The following PXDN variants were observed in gnomAD, a reference collection of about 807,000 sequenced individuals.
PXDN encodes the protein peroxidasin, also known as peroxidasin homolog.
A neutral mutation model predicts 140.3 loss-of-function variants in PXDN; 77 were observed. The observed-to-expected ratio is 0.55, with a 90% CI of 0.46 to 0.66. The LOEUF (loss-of-function observed/expected upper bound fraction) is 0.66. PXDN is among the 30% of genes least tolerant of loss of function. PXDN has a pLI of 0.00. For missense variants in PXDN, 1,838 were observed against 2,039.5 expected, an observed-to-expected ratio of 0.90 and a Z score of 1.90; for synonymous variants, 911 against 857.4, an observed-to-expected ratio of 1.06 and a Z score of -1.09.
chr2:1,743,793 G>C (rs1252549155), intron 1 of PXDN, among the ~76,000 whole-genome samples: 1 of 144,560 alleles, frequency 6.9e-6, no homozygotes, highest in Non-Finnish European at 1.5e-5. Context: ...GGAGGACGGA[G>C]GGGGCTGCGC....
In PXDN at chr2:1,643,445, G is replaced by A. The variant is rs1329165416; in HGVS notation, c.3875C>T (p.Ala1292Val). Residue 1292 changes from alanine (A) to valine (V), a missense_variant, in exon 19 of 23, where the codon GCG (alanine) becomes GTG (valine). Physicochemically the swap from Ala to Val is moderately conservative, Grantham distance 64 (BLOSUM62 0). Coordinates refer to ENST00000252804, the MANE Select transcript of PXDN (RefSeq NM_012293.3). The part of the protein sequence containing the change: ...TRVQSDVFRV[A>V]EFPHGYGSCD... ...GCTGCCGTAGCCGTGAGGGAACTCC[G>A]CCACCCTGAACACGTCGCTCTGCAC... The A allele has an allele frequency of 5.0e-6, 8 of 1,613,792 alleles. No individual in the cohort carries two copies. The highest frequency in any genetic ancestry group is 2.2e-5 in the South Asian group (2 of 91,084).
intron 7 of PXDN, among the ~76,000 whole-genome samples, chr2:1,678,959 A>G (rs1572151978): frequency 2.0e-5 from 3 of 152,320 alleles, no homozygotes; most frequent in Non-Finnish European, 2.9e-5. Context: ...TGCCCCTGAC[A>G]TAGCTCCAGC....
At chr2:1,634,417 C>T (rs1185550506) in intron 22 of PXDN, 94 bp from the exon 23 acceptor site, 4 of 1,457,372 alleles carry the variant, frequency 2.7e-6, no homozygotes, top group Non-Finnish European at 2.8e-6. Context: ...CAGCCACGGC[C>T]ATGAGTCAGG....
intron 4 of PXDN, among the ~76,000 whole-genome samples, chr2:1,686,018 C>T (rs920402018): frequency 2.0e-5 from 3 of 152,168 alleles, no homozygotes; most frequent in African/African-American, 7.2e-5. Context: ...GGCTCCCGGG[C>T]ATTCCTGCAT....
chr2:1,643,742 C>A (rs553566540), intron 18 of PXDN, among the ~76,000 whole-genome samples, 166 bp from the exon 19 acceptor site: 1 of 152,154 alleles, frequency 6.6e-6, no homozygotes, highest in South Asian at 2.1e-4. Flanking sequence ...CATCCCCTAC[C>A]CCATAACAAA....
In PXDN at chr2:1,635,463, G is replaced by A. The variant is rs1182447164; in HGVS notation, c.4265C>T (p.Ser1422Phe). The A allele has an allele frequency of 2.5e-6, 4 of 1,603,012 alleles. No individual in the cohort carries two copies. The highest frequency in any genetic ancestry group is 3.4e-6 in the Non-Finnish European group (4 of 1,174,340). The change falls in exon 22 of 23, where the codon TCT becomes TTT. Residue 1422 changes from serine (S) to phenylalanine (F), a missense_variant. This residue lies in a region of PXDN where 850 missense variants were observed against 894.1 expected (regional missense o/e 0.95). Coordinates refer to ENST00000252804, the MANE Select transcript of PXDN (RefSeq NM_012293.3). ...TTTCCACTTGGTGTTGTTGGCGTGA[G>A]ATTCGCCCCCGGCATCCACGCACTC... ...TTECVDAGGE[S>F]HANNTKWKKD...
At chr2:1,671,942 G>C (rs573487025) in intron 9 of PXDN, 1 of 152,344 alleles carries the variant, frequency 6.6e-6, no homozygotes, top group East Asian at 1.9e-4. Flanking sequence ...AATGACGCCT[G>C]AATTTCCTCT....
chr2:1,728,326 C>T (rs1445979227), intron 1 of PXDN, among the ~76,000 whole-genome samples: 3 of 152,266 alleles, frequency 2.0e-5, no homozygotes, highest in Non-Finnish European at 4.4e-5. Flanking sequence ...GCAAGGGCAC[C>T]TGCTGGCAGG....
rs146316624 is a variant in PXDN at position 1,700,237 on chromosome 2, T to G, written c.201-7103A>C. Among the ~76,000 whole-genome samples, 1,061 of 152,234 alleles carry G rather than the reference T, an allele frequency of 7.0e-3. 13 individuals carry two copies. Among genetic ancestry groups the G allele is most frequent in the African/African-American group, 0.024 (1,016 of 41,544 alleles). On this transcript the variant is annotated intron_variant, in intron 1 of 22. Coordinates refer to ENST00000252804, the MANE Select transcript of PXDN (RefSeq NM_012293.3). ...CCACTGCGCCCAGCTAATTTTTGTATTTTTAGTAGAGACGGGGTTTCGCCT... is the reference window on the plus strand; with the variant it reads ...CCACTGCGCCCAGCTAATTTTTGTAGTTTTAGTAGAGACGGGGTTTCGCCT...
chr2:1,635,864 C>T (rs1682543877), intron 21 of PXDN: 1 of 360,086 alleles, frequency 2.8e-6, no homozygotes, highest in South Asian at 2.2e-5. Flanking sequence ...CTCAGAATCC[C>T]CAGAGTCAAG....
intron 22 of PXDN, 37 bp from the exon 23 acceptor site, chr2:1,634,360 G>T: frequency 6.5e-7 from 1 of 1,546,340 alleles, no homozygotes; most frequent in East Asian, 2.4e-5. Context: ...TGTCAGCTCT[G>T]GGATGGCCTT....
intron 1 of PXDN, among the ~76,000 whole-genome samples, chr2:1,704,491 G>A (rs1684537721): frequency 1.2e-5 from 1 of 83,602 alleles, no homozygotes; most frequent in African/African-American, 5.8e-5. Context: ...GCAACTCCAG[G>A]TGAAGGAGGG....
intron 7 of PXDN, among the ~76,000 whole-genome samples, chr2:1,678,025 G>A (rs1171678014): frequency 6.6e-6 from 1 of 152,142 alleles, no homozygotes; most frequent in Non-Finnish European, 1.5e-5. Context: ...GTCAGCAAGG[G>A]CTCCTCCAGG....
At chr2:1,656,435 C>T (rs1309170172) in intron 14 of PXDN, among the ~76,000 whole-genome samples, 2 of 152,210 alleles carry the variant, frequency 1.3e-5, no homozygotes, top group Non-Finnish European at 1.5e-5. Context: ...CAGCCCAACA[C>T]ACCCTTACAA....
intron 6 of PXDN, among the ~76,000 whole-genome samples, chr2:1,682,010 C>A (rs186029920): frequency 6.6e-6 from 1 of 152,320 alleles, no homozygotes; most frequent in African/African-American, 2.4e-5. Flanking sequence ...GAGCAGACAG[C>A]AGCCAGGACA....
At chr2:1,634,371 C>A in intron 22 of PXDN, 48 bp from the exon 23 acceptor site, 1 of 1,531,882 alleles carries the variant, frequency 6.5e-7, no homozygotes, top group Non-Finnish European at 8.8e-7. Context: ...GGATGGCCTT[C>A]AGGTGAGCAA....
chr2:1,690,066 G>A (rs900131867), intron 3 of PXDN, among the ~76,000 whole-genome samples: 1 of 152,212 alleles, frequency 6.6e-6, no homozygotes, highest in African/African-American at 2.4e-5. Context: ...TTGTACACAG[G>A]TGAAATCACA....
chr2:1,635,373 C>T (rs769211990), intron 22 of PXDN, 35 bp downstream of exon 22: 1 of 1,531,860 alleles, frequency 6.5e-7, no homozygotes, highest in South Asian at 1.2e-5. Context: ...CTTGCGTATA[C>T]CTTAGGACAT....
At chr2:1,733,624 C>A (rs1037993711) in intron 1 of PXDN, among the ~76,000 whole-genome samples, 7 of 151,800 alleles carry the variant, frequency 4.6e-5, no homozygotes, top group African/African-American at 1.5e-4. Context: ...CGCCTGTAAT[C>A]CCAGCTACTG....
Sources: allele counts gnomAD v4.1 joint callset (sites outside exome capture counted in the v4.1 genomes callset), GRCh38; gene constraint gnomAD v4.1.1; regional missense constraint gnomAD v4.1.1; transcripts MANE v1.5; gene names NCBI Gene and HGNC (gene_info 2026-07-23, HGNC 2026-07-21).